The following AUTS2 variants were observed in gnomAD, a reference collection of about 807,000 sequenced individuals.
The protein encoded by AUTS2 is activator of transcription and developmental regulator AUTS2.
Under a neutral mutation model 112.4 loss-of-function variants are expected in AUTS2, and 17 were observed. The observed-to-expected ratio is 0.15, with a 90% confidence interval of 0.10 to 0.23. AUTS2 has a LOEUF of 0.23. AUTS2 is among the 10% of genes least tolerant of loss of function. The pLI is 1.00. For synonymous variants in AUTS2, 751 were observed against 702.7 expected, an observed-to-expected ratio of 1.07 and a Z score of -1.09; for missense variants, 1,510 against 1,701.6, an observed-to-expected ratio of 0.89 and a Z score of 1.98.
chr7:69,721,502 T>C (rs1360395458), intron 1 of AUTS2, among the ~76,000 whole-genome samples: 1 of 152,210 alleles, frequency 6.6e-6, no homozygotes, highest in African/African-American at 2.4e-5. Context: ...CTTCAGTTTC[T>C]TTTGCCCATC....
At chr7:69,988,520 C>T (rs1798606032) in intron 2 of AUTS2, among the ~76,000 whole-genome samples, 1 of 152,298 alleles carries the variant, frequency 6.6e-6, no homozygotes, top group South Asian at 2.1e-4. Flanking sequence ...ATTTATTGTA[C>T]ATACCCTACT....
chr7:70,720,100 A>G (rs1810583037), intron 6 of AUTS2, among the ~76,000 whole-genome samples: 1 of 151,956 alleles, frequency 6.6e-6, no homozygotes, highest in Non-Finnish European at 1.5e-5. Flanking sequence ...CCCCTACTTT[A>G]AAAAGCCTTT....
At chr7:69,617,914 C>T (rs1793463748) in intron 1 of AUTS2, among the ~76,000 whole-genome samples, 1 of 152,136 alleles carries the variant, frequency 6.6e-6, no homozygotes, top group Admixed American at 6.5e-5. Flanking sequence ...AGAATCACCA[C>T]CATTTGGGGA....
intron 1 of AUTS2, among the ~76,000 whole-genome samples, chr7:69,666,992 A>G (rs1796079786): frequency 6.6e-6 from 1 of 152,198 alleles, no homozygotes; most frequent in African/African-American, 2.4e-5. Context: ...TGGGTAATAT[A>G]TAAAGAAAAG....
intron 2 of AUTS2, among the ~76,000 whole-genome samples, chr7:69,978,645 C>T (rs1798155299): frequency 6.6e-6 from 1 of 151,960 alleles, no homozygotes; most frequent in African/African-American, 2.4e-5. Context: ...TTGACACCAG[C>T]CTAGGCAACA....
chr7:70,570,547 A>G (rs1330092193), intron 5 of AUTS2, among the ~76,000 whole-genome samples: 1 of 152,122 alleles, frequency 6.6e-6, no homozygotes, highest in Non-Finnish European at 1.5e-5. Context: ...CTCCTTCACC[A>G]TCTGACCAGC....
At chr7:70,514,986 A>G (rs1262896762) in intron 5 of AUTS2, among the ~76,000 whole-genome samples, 1 of 151,938 alleles carries the variant, frequency 6.6e-6, no homozygotes, top group African/African-American at 2.4e-5. Flanking sequence ...TCTTTTTTGT[A>G]TTTACCTGTA....
At chr7:69,807,334 T>C (rs62457244) in intron 1 of AUTS2, among the ~76,000 whole-genome samples, 5,262 of 152,284 alleles carry the variant, frequency 0.035, 181 homozygotes, top group Non-Finnish European at 0.044. Flanking sequence ...GTATTAGTTA[T>C]GTATGGGGTA....
chr7:70,426,815 GA>G (rs1294726477), intron 4 of AUTS2, among the ~76,000 whole-genome samples: 2 of 150,920 alleles, frequency 1.3e-5, no homozygotes, highest in Non-Finnish European at 2.9e-5. Context: ...AGGCAGAGAA[GA>G]AAGGGAAAAG....
At chr7:70,742,571 T>C (rs1436970318) in intron 6 of AUTS2, among the ~76,000 whole-genome samples, 1 of 152,134 alleles carries the variant, frequency 6.6e-6, no homozygotes, top group African/African-American at 2.4e-5. Context: ...AAGACCAGCC[T>C]GACCAACATG....
intron 5 of AUTS2, among the ~76,000 whole-genome samples, chr7:70,672,560 T>C (rs1807699240): frequency 6.6e-6 from 1 of 152,128 alleles, no homozygotes; most frequent in African/African-American, 2.4e-5. Context: ...GAATAGATAA[T>C]AGTCACTGCT....
At chr7:70,541,363 T>TGAC (rs1194636954) in intron 5 of AUTS2, among the ~76,000 whole-genome samples, 1 of 151,992 alleles carries the variant, frequency 6.6e-6, no homozygotes, top group Non-Finnish European at 1.5e-5. Context: ...CTTAAAAGGG[T>TGAC]CGTTCATTTA....
At chr7:70,336,278 C>T (rs182002816) in intron 4 of AUTS2, among the ~76,000 whole-genome samples, 32 of 141,230 alleles carry the variant, frequency 2.3e-4, no homozygotes, top group African/African-American at 8.5e-4. Flanking sequence ...CTTGTCCCAG[C>T]TGCACCCCCT....
chr7:69,660,394 A>G (rs533532676), intron 1 of AUTS2, among the ~76,000 whole-genome samples: 1 of 152,208 alleles, frequency 6.6e-6, no homozygotes, highest in South Asian at 2.1e-4. Flanking sequence ...TAATATGTTC[A>G]CTTCTGAACC....
At chr7:69,633,045 A>T (rs1222544790) in intron 1 of AUTS2, among the ~76,000 whole-genome samples, 6 of 152,140 alleles carry the variant, frequency 3.9e-5, no homozygotes, top group Non-Finnish European at 7.3e-5. Context: ...TTTAGTCCTC[A>T]TGTTGTACAT....
rs1421472648 is a variant in AUTS2 at position 70,790,116 on chromosome 7, G to A, written c.2900G>A (p.Gly967Asp). 10 of 1,599,128 alleles carry A rather than the reference G, an allele frequency of 6.3e-6. No homozygotes were observed. Among genetic ancestry groups the A allele is most frequent in the Non-Finnish European group, 8.5e-6 (10 of 1,174,094 alleles). ...AGCCGGGAGGCCGAGCCGCGCAAGG[G>A]TGAGCCGGCCTACGAGAACCCCAAG... is the stretch of plus-strand genomic sequence containing the variant. ...TSSREAEPRKGEPAYENPKKS... is the reference protein window; with the variant it reads ...TSSREAEPRKDEPAYENPKKS... Residue 967 changes from glycine to aspartate, a missense_variant, in exon 19 of 19, where the codon GGT (glycine) becomes GAT (aspartate). By Grantham distance (94) the Gly-to-Asp change is moderately conservative. Coordinates refer to ENST00000342771, the MANE Select transcript of AUTS2 (RefSeq NM_015570.4). The surrounding 1 kb of genome is among the most constrained non-coding windows in gnomAD (Gnocchi z 7.6).
intron 1 of AUTS2, among the ~76,000 whole-genome samples, chr7:69,763,307 C>G (rs1189299467): frequency 6.6e-6 from 1 of 152,142 alleles, no homozygotes; most frequent in African/African-American, 2.4e-5. Flanking sequence ...CCCTTCAGAT[C>G]TTGGGATCTC....
rs369958631 is a variant in AUTS2 at position 70,273,391 on chromosome 7, AT to A, written c.660+138828del. 2.3e-3 allele frequency among the ~76,000 whole-genome samples: 343 copies of A among 151,744 alleles called. 1 individual carries two copies. The highest frequency in any genetic ancestry group is 4.0e-3 in the Non-Finnish European group (274 of 67,902). On this transcript the variant is annotated intron_variant, in intron 4 of 18. Coordinates refer to ENST00000342771, the MANE Select transcript of AUTS2 (RefSeq NM_015570.4). ...TTTGTTGTAATTTGGGACCACAATA[AT>A]TTTTTTTCCAACCCCTTCTTCAGAC...
intron 2 of AUTS2, among the ~76,000 whole-genome samples, chr7:70,015,038 C>T (rs755560100): frequency 3.3e-5 from 5 of 152,210 alleles, no homozygotes; most frequent in Non-Finnish European, 5.9e-5. Context: ...TAATATCCAG[C>T]TGTTGTGGTG....
Sources: allele counts gnomAD v4.1 joint callset (sites outside exome capture counted in the v4.1 genomes callset), GRCh38; gene constraint gnomAD v4.1.1; non-coding constraint Gnocchi (gnomAD v3.1); transcripts MANE v1.5; gene names NCBI Gene and HGNC (gene_info 2026-07-23, HGNC 2026-07-21).